The following PLCD3 variants were observed in gnomAD, a reference collection of about 807,000 sequenced individuals.
PLCD3 encodes the protein 1-phosphatidylinositol 4,5-bisphosphate phosphodiesterase delta-3.
A neutral mutation model predicts 82.8 loss-of-function variants in PLCD3; 62 were observed. The ratio of observed to expected loss-of-function variants is 0.75; its 90% CI spans 0.61 to 0.93. The LOEUF (loss-of-function observed/expected upper bound fraction) is 0.93, where lower values mean the gene tolerates loss of function less well. Among genes scored for constraint, PLCD3 ranks in the 40% least tolerant of loss-of-function variants. The pLI, the probability that PLCD3 is intolerant of heterozygous loss-of-function variation, is 0.00. For missense variants in PLCD3, 1,023 were observed against 1,103.4 expected (o/e 0.93, Z 1.03); for synonymous variants, 478 against 471.8 (o/e 1.01, Z -0.17).
rs1209170472 is a variant in PLCD3 at position 45,115,102 on chromosome 17, C to T, written c.1703G>A (p.Arg568Gln). The T allele has an allele frequency of 5.6e-6, 9 of 1,598,378 alleles. No homozygotes were observed. The highest frequency in any genetic ancestry group is 1.7e-4 in the Middle Eastern group (1 of 5,896). Residue 568 changes from arginine (R) to glutamine (Q), a missense_variant, in exon 10 of 15, where the codon CGG (arginine) becomes CAG (glutamine). By Grantham distance (43) the Arg-to-Gln change is conservative. Transcript: ENST00000619929. ...LSERKAKKLI[R>Q]EAGNSFVRHN... ...AGTGCCCCAGCTCCTACCTGCCTCC[C>T]GAATGAGTTTCTTGGCTTTGCGCTC... is the stretch of plus-strand genomic sequence containing the variant.
rs1255852581 is a variant in PLCD3 at position 45,109,272 on chromosome 17, C to T, written c.*3344G>A. The T allele has an allele frequency of 1.3e-5, 2 of 152,326 alleles. No individual in the cohort carries two copies. The highest frequency in any genetic ancestry group is 4.8e-5 in the African/African-American group (2 of 41,464). 9.4% of individuals were successfully genotyped at this position (152,326 alleles called of 1,614,324 possible). On this transcript the variant is annotated 3_prime_UTR_variant, in exon 15 of 15. Transcript: ENST00000619929. ...CAAGTTAGAGCAGCAACTGGGCTCTCAGCCAGCACCTGAGCACCTCAGCAC... is the reference window on the plus strand; with the variant it reads ...CAAGTTAGAGCAGCAACTGGGCTCTTAGCCAGCACCTGAGCACCTCAGCAC...
intron 1 of PLCD3, among the ~76,000 whole-genome samples, chr17:45,121,631 G>A (rs7207047): frequency 0.36 from 55,041 of 152,026 alleles, 10,377 homozygotes; most frequent in Middle Eastern, 0.53. Context: ...TCCAAGCAGC[G>A]GCCTCTGCAG....
At chr17:45,124,317 G>A (rs2054365116) in intron 1 of PLCD3, among the ~76,000 whole-genome samples, 1 of 152,262 alleles carries the variant, frequency 6.6e-6, no homozygotes, top group African/African-American at 2.4e-5. Context: ...GCTCCCAATG[G>A]AGGGGGCCCC....
In PLCD3 at chr17:45,121,138, G is replaced by A. The variant is rs1226609768; in HGVS notation, c.326-8C>T. 2.0e-6 allele frequency: 3 copies of A among 1,520,872 alleles called. No homozygotes were observed. The highest frequency in any genetic ancestry group is 2.0e-5 in the Admixed American group (1 of 49,318). The allele number at this position is 1,520,872 out of a possible 1,614,324, so 94.2% of individuals were successfully genotyped here. A position where few individuals can be genotyped will look rare whatever the true frequency, so the allele number is the denominator to read the frequency against. ...CGATGTGCTGCACGAAGACTGAGAG[G>A]AGGGCCGGGTCAGGGCGGAGGACCG... On this transcript the variant is annotated splice_polypyrimidine_tract_variant and splice_region_variant and intron_variant, in intron 2 of 14. Coordinates refer to ENST00000619929, the MANE Select transcript of PLCD3 (RefSeq NM_133373.5).
intron 11 of PLCD3, 24 bp downstream of exon 11, chr17:45,114,226 C>G: frequency 6.6e-7 from 1 of 1,507,836 alleles, no homozygotes; most frequent in Non-Finnish European, 8.9e-7. Flanking sequence ...CCCGCCTGCT[C>G]TCATTCCTGT....
rs749304959 is a variant in PLCD3 at position 45,118,430 on chromosome 17, C to T, written c.976G>A (p.Ala326Thr). The change falls in exon 6 of 15, where the codon GCT becomes ACT. Residue 326 changes from alanine to threonine, a missense_variant. Physicochemically the swap from Ala to Thr is moderately conservative, Grantham distance 58. Around this residue, in one of 3 missense-constraint regions of PLCD3, gnomAD observed 553 missense variants for 655.7 expected, o/e 0.84. Transcript: ENST00000619929. This position sits in a 1 kb window ranked among gnomAD's most constrained non-coding sequence, Gnocchi z 4.1. ...FMMYLLSPEG[A>T]ALDNTHTCVF... ...CACGTGTGGGTGTTGTCCAAGGCAG[C>T]CCCCTCCGGCGACAACAGGTACATC... 117 of 1,613,896 alleles carry T rather than the reference C, an allele frequency of 7.2e-5. No individual in the cohort carries two copies. Among genetic ancestry groups the T allele is most frequent in the Non-Finnish European group, 9.2e-5 (108 of 1,179,904 alleles).
intron 10 of PLCD3, 186 bp from the exon 11 acceptor site, chr17:45,114,552 C>T (rs1479982932): frequency 9.4e-6 from 5 of 533,052 alleles, no homozygotes; most frequent in African/African-American, 2.0e-5. Flanking sequence ...CCCCTCCAGC[C>T]ACACAGCCTG....
At position 45,115,497 on chromosome 17, in the gene PLCD3, G is replaced by C; in HGVS notation, c.1414-7C>G. ...GGACCCGGCCCTTCAGCTGCTGTGGGGGCCAACGTGGAGGATGAAGGGTTA... is the reference window on the plus strand; with the variant it reads ...GGACCCGGCCCTTCAGCTGCTGTGGCGGCCAACGTGGAGGATGAAGGGTTA... On this transcript the variant is annotated splice_region_variant and splice_polypyrimidine_tract_variant and intron_variant, in intron 8 of 14. Transcript: ENST00000619929. 3.7e-6 allele frequency: 6 copies of C among 1,603,968 alleles called. No individual in the cohort carries two copies. The highest frequency in any genetic ancestry group is 5.1e-6 in the Non-Finnish European group (6 of 1,175,468).
rs557610659 is a variant in PLCD3 at position 45,112,881 on chromosome 17, G to A, written c.2263C>T (p.Leu755Phe). The A allele has an allele frequency of 6.3e-5, 102 of 1,612,542 alleles. No homozygotes were observed. In the East Asian group the frequency reaches 2.1e-3, roughly 32 times the overall value. ...NDFVGQFTLPLSSLKQGYRHI... is the reference protein window; with the variant it reads ...NDFVGQFTLPFSSLKQGYRHI... ...CACCAACCTTGCTTTAGGCTGCTAA[G>A]AGGCAGTGTAAACTGGCCCACAAAG... is the stretch of plus-strand genomic sequence containing the variant. Residue 755 changes from leucine to phenylalanine, a missense_variant, in exon 14 of 15, where the codon CTT (leucine) becomes TTT (phenylalanine). By Grantham distance (22) the Leu-to-Phe change is conservative (BLOSUM62 0). This residue lies in a region of PLCD3 where 553 missense variants were observed against 655.7 expected (regional missense o/e 0.84). Coordinates refer to ENST00000619929, the MANE Select transcript of PLCD3 (RefSeq NM_133373.5).
intron 1 of PLCD3, among the ~76,000 whole-genome samples, chr17:45,131,636 A>T (rs957112913): frequency 3.3e-5 from 5 of 152,074 alleles, no homozygotes; most frequent in African/African-American, 1.2e-4. Flanking sequence ...TGTGTAACCC[A>T]CCCAGTGCCA....
Position 45,121,228 on chromosome 17 carries a change from G to T in PLCD3, c.308C>A (p.Ala103Glu), listed in dbSNP as rs1413170901. 4 of 1,589,172 alleles carry T rather than the reference G, an allele frequency of 2.5e-6. No homozygotes were observed. In the Admixed American group the frequency reaches 5.1e-5, roughly 20 times the overall value. ...SVWFQRRIPR[A>E]PSQHIFFVQH... is the part of the protein sequence containing the mutation. ...CCTCTCACAGATGTGCTGCGATGGCGCACGCGGGATGCGCCGCTGGAACCA... is the reference window on the plus strand; with the variant it reads ...CCTCTCACAGATGTGCTGCGATGGCTCACGCGGGATGCGCCGCTGGAACCA... The change falls in exon 2 of 15, where the codon GCG (alanine) becomes GAG (glutamate). Residue 103 changes from alanine (A) to glutamate (E), a missense_variant. This residue lies in a region of PLCD3 where 448 missense variants were observed against 406.3 expected (regional missense o/e 1.10). Coordinates refer to ENST00000619929, the MANE Select transcript of PLCD3 (RefSeq NM_133373.5).
intron 1 of PLCD3, among the ~76,000 whole-genome samples, chr17:45,131,896 C>A (rs911197548): frequency 5.9e-5 from 9 of 152,148 alleles, no homozygotes; most frequent in African/African-American, 2.2e-4. Context: ...GACACCCTGG[C>A]AGAACCTAGA....
chr17:45,116,515 A>G, intron 8 of PLCD3, 117 bp downstream of exon 8: 1 of 1,135,860 alleles, frequency 8.8e-7, no homozygotes. Flanking sequence ...GGAACAGAGA[A>G]AAGTTAAGGC....
intron 7 of PLCD3, among the ~76,000 whole-genome samples, chr17:45,117,454 C>G (rs944194604): frequency 2.6e-5 from 4 of 152,158 alleles, no homozygotes; most frequent in African/African-American, 7.2e-5. Flanking sequence ...TTTGCTCAGG[C>G]TGGTCTGGAA....
chr17:45,125,900 T>C (rs540133223), intron 1 of PLCD3, among the ~76,000 whole-genome samples: 1 of 152,260 alleles, frequency 6.6e-6, no homozygotes, highest in Non-Finnish European at 1.5e-5. Context: ...TATTGCTTGA[T>C]GGTTAGTTTC....
intron 8 of PLCD3, among the ~76,000 whole-genome samples, chr17:45,116,211 G>C (rs551494854): frequency 6.6e-6 from 1 of 152,206 alleles, no homozygotes; most frequent in Non-Finnish European, 1.5e-5. Flanking sequence ...GAGAGTTGGG[G>C]AAGTGGATAA....
chr17:45,115,848 GACA>G (rs2054286589), intron 8 of PLCD3, among the ~76,000 whole-genome samples: 2 of 152,200 alleles, frequency 1.3e-5, no homozygotes. Flanking sequence ...TAAAAGAGAA[GACA>G]GTACACATAT....
chr17:45,114,020 A>C (rs2054269763), intron 11 of PLCD3, among the ~76,000 whole-genome samples: 1 of 151,988 alleles, frequency 6.6e-6, no homozygotes, highest in African/African-American at 2.4e-5. Flanking sequence ...TGTCCGGGGG[A>C]CATGGGAGTG....
rs780982770 is a variant in PLCD3 at position 45,121,148 on chromosome 17, T to C, written c.326-18A>G. On this transcript the variant is annotated intron_variant, in intron 2 of 14. Transcript: ENST00000619929. Reference sequence around the variant, plus strand: ...CACGAAGACTGAGAGGAGGGCCGGGTCAGGGCGGAGGACCGGGCCTGTCCC... The same window carrying C: ...CACGAAGACTGAGAGGAGGGCCGGGCCAGGGCGGAGGACCGGGCCTGTCCC... The C allele has an allele frequency of 3.4e-5, 51 of 1,518,618 alleles. No homozygotes were observed. The highest frequency in any genetic ancestry group is 1.5e-4 in the East Asian group (6 of 40,358). 94.1% of individuals were successfully genotyped at this position (1,518,618 alleles called of 1,614,324 possible).
Sources: gnomAD v4.1 joint callset for allele counts (sites outside exome capture counted in the v4.1 genomes callset) on GRCh38, gnomAD v4.1.1 for gene constraint, gnomAD v4.1.1 regional missense constraint, Gnocchi (gnomAD v3.1) non-coding constraint, MANE v1.5 for transcripts, NCBI Gene and HGNC (gene_info 2026-07-23, HGNC 2026-07-21) for gene names.